Variants in ADAM18 observed in about 807,000 individuals in gnomAD.
ADAM18 encodes disintegrin and metalloproteinase domain-containing protein 18.
A neutral mutation model predicts 94.4 loss-of-function variants in ADAM18; 117 were observed. That is an observed-to-expected ratio of 1.24 (90% CI 1.07 to 1.45). The LOEUF is 1.45. Among genes scored for constraint, ADAM18 ranks in the 40% most tolerant of loss-of-function variants. The pLI, the probability that ADAM18 is intolerant of heterozygous loss-of-function variation, is 0.00. For synonymous variants in ADAM18, 327 were observed against 291.6 expected (o/e 1.12, Z -1.24); for missense variants, 936 against 880.0 (o/e 1.06, Z -0.81).
intron 17 of ADAM18, among the ~76,000 whole-genome samples, chr8:39,696,725 T>C (rs1021647113): frequency 6.6e-6 from 1 of 151,606 alleles, no homozygotes; most frequent in Non-Finnish European, 1.5e-5. Flanking sequence ...TTTGTCTATA[T>C]GTCTGTCTTC....
intron 17 of ADAM18, among the ~76,000 whole-genome samples, chr8:39,696,057 T>C (rs1411335601): frequency 6.6e-6 from 1 of 151,346 alleles, no homozygotes; most frequent in Non-Finnish European, 1.5e-5. Flanking sequence ...TCCTGCCCAA[T>C]ATTTATTTTT....
At chr8:39,723,990 A>G in intron 19 of ADAM18, 83 bp downstream of exon 19, 1 of 857,500 alleles carries the variant, frequency 1.2e-6, no homozygotes, top group Non-Finnish European at 1.6e-6. Flanking sequence ...AACATTTGTT[A>G]TATTAATTCT....
At chr8:39,625,648 T>C (rs545399346) in intron 6 of ADAM18, among the ~76,000 whole-genome samples, 1 of 152,308 alleles carries the variant, frequency 6.6e-6, no homozygotes, top group South Asian at 2.1e-4. Flanking sequence ...TTTTTACCCA[T>C]TCAGTATGAT....
At chr8:39,669,305 C>CT (rs1031625125) in intron 14 of ADAM18, among the ~76,000 whole-genome samples, 30 of 148,386 alleles carry the variant, frequency 2.0e-4, no homozygotes, top group Non-Finnish European at 2.8e-4. Context: ...TTATTATACT[C>CT]TTTTTTTTAA....
Position 39,668,020 on chromosome 8 carries a change from G to C in ADAM18, c.1349G>C (p.Cys450Ser). ...KCELSIAGTP[C>S]RKSIDPECDF... is the part of the protein sequence containing the mutation. ...CAGTTGTCAATAGCAGGCACTCCAT[G>C]TAGAAAGAGTATTGATCCAGAGTGT... is the stretch of plus-strand genomic sequence containing the variant. Residue 450 changes from cysteine to serine, a missense_variant, in exon 14 of 20, where the codon TGT becomes TCT. By Grantham distance (112) the Cys-to-Ser change is moderately radical. Transcript: ENST00000265707. The C allele has an allele frequency of 6.2e-7, 1 of 1,613,984 alleles. No homozygotes were observed. The highest frequency in any genetic ancestry group is 8.5e-7 in the Non-Finnish European group (1 of 1,179,908).
intron 16 of ADAM18, among the ~76,000 whole-genome samples, chr8:39,687,231 T>G (rs977328335): frequency 6.6e-6 from 1 of 152,200 alleles, no homozygotes; most frequent in East Asian, 1.9e-4. Context: ...CTATGCAATA[T>G]TCACATAAAT....
chr8:39,668,236 G>T, intron 14 of ADAM18, 40 bp downstream of exon 14: 2 of 1,583,612 alleles, frequency 1.3e-6, no homozygotes, highest in Non-Finnish European at 1.7e-6. Flanking sequence ...CCTTACATTT[G>T]CATCTCTCTG....
At chr8:39,607,743 T>C (rs75884153) in intron 3 of ADAM18, among the ~76,000 whole-genome samples, 1 of 77,324 alleles carries the variant, frequency 1.3e-5, no homozygotes, top group East Asian at 6.9e-4. Context: ...CCTTTCTCTA[T>C]TTTTTTTTTT....
intron 19 of ADAM18, among the ~76,000 whole-genome samples, chr8:39,728,273 T>G (rs1055866607): frequency 1.3e-5 from 2 of 152,150 alleles, no homozygotes; most frequent in African/African-American, 4.8e-5. Flanking sequence ...TTCACATTTT[T>G]TTTTAAAAAA....
intron 16 of ADAM18, among the ~76,000 whole-genome samples, chr8:39,689,700 A>C (rs1821715040): frequency 6.6e-6 from 1 of 152,062 alleles, no homozygotes; most frequent in African/African-American, 2.4e-5. Flanking sequence ...TTTATGTGAA[A>C]GTTGAAATAA....
intron 6 of ADAM18, among the ~76,000 whole-genome samples, chr8:39,624,834 G>A (rs1231187423): frequency 6.6e-6 from 1 of 152,148 alleles, no homozygotes; most frequent in Non-Finnish European, 1.5e-5. Context: ...GTCCATGTAA[G>A]ACATGCCTGC....
chr8:39,699,530 T>G (rs1415171996), intron 17 of ADAM18, among the ~76,000 whole-genome samples: 1 of 152,184 alleles, frequency 6.6e-6, no homozygotes, highest in East Asian at 1.9e-4. Context: ...ATGTGTGGTG[T>G]TAATATTATA....
intron 17 of ADAM18, 42 bp from the exon 18 acceptor site, chr8:39,706,748 G>A (rs1235315094): frequency 7.1e-6 from 8 of 1,131,272 alleles, no homozygotes; most frequent in Non-Finnish European, 6.7e-6. Context: ...CAGATACAAA[G>A]ACTAAGACGA....
At chr8:39,607,419 G>A (rs1585891524) in intron 3 of ADAM18, among the ~76,000 whole-genome samples, 1 of 152,124 alleles carries the variant, frequency 6.6e-6, no homozygotes, top group Non-Finnish European at 1.5e-5. Context: ...CTTTGTAATT[G>A]AACAAGGCTA....
intron 7 of ADAM18, 75 bp from the exon 8 acceptor site, chr8:39,637,189 T>A: frequency 8.5e-7 from 1 of 1,178,842 alleles, no homozygotes; most frequent in African/African-American, 1.6e-5. Flanking sequence ...TAATATCTAA[T>A]ACAATGCCTA....
At position 39,677,473 on chromosome 8, in the gene ADAM18, C is replaced by G. The variant is rs781004298; in HGVS notation, c.1568C>G (p.Ser523Cys). Residue 523 changes from serine to cysteine, a missense_variant, in exon 15 of 20, where the codon TCT becomes TGT. Physicochemically the swap from Ser to Cys is moderately radical, Grantham distance 112. Coordinates refer to ENST00000265707, the MANE Select transcript of ADAM18 (RefSeq NM_014237.3). ...TTTGCCTGTTTTAAAGAAGTTAATT[C>G]TCTGCATGAAAGATCTGAAAACTGT... ...APFACFKEVN[S>C]LHERSENCGF... The G allele has an allele frequency of 6.2e-7, 1 of 1,610,936 alleles. No individual in the cohort carries two copies. Among genetic ancestry groups the G allele is most frequent in the Non-Finnish European group, 8.5e-7 (1 of 1,179,332 alleles).
At chr8:39,675,525 A>C (rs192566209) in intron 14 of ADAM18, among the ~76,000 whole-genome samples, 1 of 152,288 alleles carries the variant, frequency 6.6e-6, no homozygotes, top group Admixed American at 6.5e-5. Flanking sequence ...CCATTCATCT[A>C]ATCTTTTTTC....
At chr8:39,604,132 C>T (rs1254621270) in intron 2 of ADAM18, among the ~76,000 whole-genome samples, 1 of 152,288 alleles carries the variant, frequency 6.6e-6, no homozygotes, top group East Asian at 1.9e-4. Flanking sequence ...CACATTGCTT[C>T]TCTGCCAGGC....
intron 16 of ADAM18, among the ~76,000 whole-genome samples, chr8:39,690,345 G>A (rs1032239364): frequency 3.3e-5 from 5 of 151,980 alleles, no homozygotes; most frequent in Non-Finnish European, 5.9e-5. Context: ...CACTCTAGTA[G>A]GGGTCACCCT....
Sources: allele counts gnomAD v4.1 joint callset (sites outside exome capture counted in the v4.1 genomes callset), GRCh38; gene constraint gnomAD v4.1.1; transcripts MANE v1.5; gene names NCBI Gene and HGNC (gene_info 2026-07-23, HGNC 2026-07-21).